Variants in PPFIA2 observed in about 807,000 individuals in gnomAD.
PPFIA2 encodes PPFI scaffold protein A2, also known as liprin-alpha-2.
Under a neutral mutation model 175.5 loss-of-function variants are expected in PPFIA2, and 46 were observed. The ratio of observed to expected loss-of-function variants is 0.26; its 90% CI spans 0.21 to 0.34. The LOEUF (loss-of-function observed/expected upper bound fraction) is 0.34, where lower values mean the gene tolerates loss of function less well. PPFIA2 is among the 10% of genes least tolerant of loss of function. PPFIA2 has a pLI of 1.00. For synonymous variants in PPFIA2, 568 were observed against 511.4 expected, an observed-to-expected ratio of 1.11 and a Z score of -1.49; for missense variants, 1,179 against 1,506.1, an observed-to-expected ratio of 0.78 and a Z score of 3.60.
intron 15 of PPFIA2, among the ~76,000 whole-genome samples, chr12:81,362,185 CTCT>C (rs375809422): frequency 3.4e-5 from 5 of 147,816 alleles, no homozygotes; most frequent in African/African-American, 4.9e-5. Flanking sequence ...TTCTCTTTTC[CTCT>C]TTTTTTTTTT....
chr12:81,618,102 T>C, intron 4 of PPFIA2, among the ~76,000 whole-genome samples: 1 of 152,178 alleles, frequency 6.6e-6, no homozygotes, highest in African/African-American at 2.4e-5. Context: ...CCTCCACCAG[T>C]TAAGTGTCTG....
At chr12:81,485,209 A>G (rs1301928678) in intron 4 of PPFIA2, among the ~76,000 whole-genome samples, 1 of 151,812 alleles carries the variant, frequency 6.6e-6, no homozygotes, top group Non-Finnish European at 1.5e-5. Context: ...TGTGAACCCA[A>G]TGCATTATCT....
At chr12:81,289,137 G>A (rs1377844965) in intron 24 of PPFIA2, among the ~76,000 whole-genome samples, 2 of 151,804 alleles carry the variant, frequency 1.3e-5, no homozygotes, top group African/African-American at 2.4e-5. Flanking sequence ...AGTTGTGAGA[G>A]TCAAATGGGC....
chr12:81,487,110 A>G (rs1415301607), intron 4 of PPFIA2, among the ~76,000 whole-genome samples: 1 of 151,902 alleles, frequency 6.6e-6, no homozygotes, highest in African/African-American at 2.4e-5. Context: ...ACAGTGTGTT[A>G]AGCTTTGGAG....
At chr12:81,747,528 T>C (rs1397378403) in intron 3 of PPFIA2, among the ~76,000 whole-genome samples, 2 of 144,246 alleles carry the variant, frequency 1.4e-5, no homozygotes, top group Non-Finnish European at 1.6e-5. Context: ...CTAAAGATAA[T>C]GATGACAATA....
chr12:81,451,910 C>T (rs545265535), intron 5 of PPFIA2, among the ~76,000 whole-genome samples: 9 of 152,272 alleles, frequency 5.9e-5, no homozygotes, highest in East Asian at 1.9e-4. Context: ...CTACTAATTA[C>T]ACACCTTCAC....
intron 3 of PPFIA2, among the ~76,000 whole-genome samples, chr12:81,739,610 G>T (rs17691218): frequency 6.6e-6 from 1 of 151,252 alleles, no homozygotes; most frequent in Non-Finnish European, 1.5e-5. Context: ...ATCTATTATC[G>T]ATCAGCAACA....
intron 4 of PPFIA2, among the ~76,000 whole-genome samples, chr12:81,643,563 C>T (rs986966185): frequency 5.3e-5 from 8 of 151,818 alleles, no homozygotes; most frequent in Middle Eastern, 3.4e-3. Flanking sequence ...TCCTGGTGGG[C>T]AGGATTATTT....
intron 8 of PPFIA2, among the ~76,000 whole-genome samples, chr12:81,401,206 T>G (rs1032780622): frequency 6.6e-6 from 1 of 152,138 alleles, no homozygotes; most frequent in Non-Finnish European, 1.5e-5. Context: ...GCCCATTTCT[T>G]AGCACCTTTA....
chr12:81,426,197 T>C (rs536064656), intron 7 of PPFIA2, among the ~76,000 whole-genome samples: 75 of 152,172 alleles, frequency 4.9e-4, no homozygotes, highest in African/African-American at 1.8e-3. Context: ...ACTTCAAAGA[T>C]TGATTGACGT....
intron 4 of PPFIA2, among the ~76,000 whole-genome samples, chr12:81,673,528 T>C (rs2071840296): frequency 6.6e-6 from 1 of 152,074 alleles, no homozygotes; most frequent in African/African-American, 2.4e-5. Context: ...TCAATTTTGA[T>C]TATCTAGTTT....
chr12:81,298,582 G>T (rs998864407), intron 23 of PPFIA2, among the ~76,000 whole-genome samples: 5 of 152,182 alleles, frequency 3.3e-5, no homozygotes, highest in African/African-American at 9.7e-5. Context: ...CTCACATAGA[G>T]AACTGAATAG....
At chr12:81,736,069 T>C (rs2081535733) in intron 3 of PPFIA2, among the ~76,000 whole-genome samples, 1 of 151,956 alleles carries the variant, frequency 6.6e-6, no homozygotes, top group South Asian at 2.1e-4. Flanking sequence ...TCTTTCTATA[T>C]AAATATTAAA....
chr12:81,491,387 A>G (rs2147070453), intron 4 of PPFIA2, among the ~76,000 whole-genome samples: 1 of 152,026 alleles, frequency 6.6e-6, no homozygotes, highest in East Asian at 1.9e-4. Flanking sequence ...AAAAAAAGTC[A>G]CCCCACCATT....
Position 81,328,818 on chromosome 12 carries a change from CTTTTTT to C in PPFIA2, c.2549-2954_2549-2949del, listed in dbSNP as rs533036607. Among the ~76,000 whole-genome samples the C allele has an allele frequency of 2.7e-3, 363 of 134,676 alleles. 3 individuals carry two copies. Among genetic ancestry groups the C allele is most frequent in the African/African-American group, 9.5e-3 (342 of 36,122 alleles). 88.4% of individuals were successfully genotyped at this position (134,676 alleles called of 152,430 possible). A position where few individuals can be genotyped will look rare whatever the true frequency, so the allele number is the denominator to read the frequency against. On this transcript the variant is annotated intron_variant, in intron 21 of 32. Coordinates refer to ENST00000549396, the MANE Select transcript of PPFIA2 (RefSeq NM_003625.5). ...TTCTTTTTTCTTTTTTTCTTTCTTT[CTTTTTT>C]TTTTTTTTTTAAACAGGGTCTCAGT...
At chr12:81,438,151 T>C (rs2049438273) in intron 7 of PPFIA2, among the ~76,000 whole-genome samples, 1 of 152,120 alleles carries the variant, frequency 6.6e-6, no homozygotes, top group African/African-American at 2.4e-5. Flanking sequence ...TATACACTCA[T>C]TTAATTAATC....
Position 81,586,604 on chromosome 12 carries a change from A to G in PPFIA2, c.303+90187T>C, listed in dbSNP as rs191574170. Among the ~76,000 whole-genome samples, 396 of 152,032 alleles carry G rather than the reference A, an allele frequency of 2.6e-3. 6 individuals carry two copies. The highest frequency in any genetic ancestry group is 0.016 in the South Asian group (79 of 4,824). On this transcript the variant is annotated intron_variant, in intron 4 of 32. Transcript: ENST00000549396. ...TTCAATATGGTAAACTTCAAAATGA[A>G]TTATATAACACAATTTAAAAATACA...
chr12:81,640,330 T>G (rs1460014350), intron 4 of PPFIA2, among the ~76,000 whole-genome samples: 1 of 151,994 alleles, frequency 6.6e-6, no homozygotes, highest in Non-Finnish European at 1.5e-5. Flanking sequence ...ATTCTAACAG[T>G]TGGTGATGAT....
At chr12:81,586,341 G>C (rs1370156404) in intron 4 of PPFIA2, among the ~76,000 whole-genome samples, 1 of 151,824 alleles carries the variant, frequency 6.6e-6, no homozygotes, top group African/African-American at 2.4e-5. Context: ...ATATCAGTTT[G>C]TGATATTCTT....
Sources: gnomAD v4.1 joint callset for allele counts (sites outside exome capture counted in the v4.1 genomes callset) on GRCh38, gnomAD v4.1.1 for gene constraint, MANE v1.5 for transcripts, NCBI Gene and HGNC (gene_info 2026-07-23, HGNC 2026-07-21) for gene names.